The following CCDC60 variants were observed in gnomAD, a reference collection of about 807,000 sequenced individuals.
CCDC60 encodes the protein coiled-coil domain-containing protein 60.
In CCDC60, 54 loss-of-function variants were observed where a neutral mutation model predicts 63.5. The ratio of observed to expected loss-of-function variants is 0.85; its 90% CI spans 0.68 to 1.07. CCDC60 has a LOEUF of 1.07. Among genes scored for constraint, CCDC60 ranks in the 50% least tolerant of loss-of-function variants. The pLI is 0.00. For missense variants in CCDC60, 651 were observed against 684.3 expected, an observed-to-expected ratio of 0.95 and a Z score of 0.54; for synonymous variants, 206 against 238.8, an observed-to-expected ratio of 0.86 and a Z score of 1.27.
intron 1 of CCDC60, among the ~76,000 whole-genome samples, chr12:119,387,285 T>TA (rs1470450926): frequency 6.6e-6 from 1 of 152,138 alleles, no homozygotes; most frequent in Non-Finnish European, 1.5e-5. Context: ...AAACCTGAAA[T>TA]ATTGTGTTTT....
intron 2 of CCDC60, among the ~76,000 whole-genome samples, chr12:119,436,286 G>A (rs924434609): frequency 1.3e-5 from 2 of 152,094 alleles, no homozygotes; most frequent in Admixed American, 6.5e-5. Flanking sequence ...ACAAATCAGA[G>A]TCTCACTCTT....
chr12:119,515,986 T>G (rs1163606733), intron 7 of CCDC60, among the ~76,000 whole-genome samples: 1 of 152,086 alleles, frequency 6.6e-6, no homozygotes, highest in Non-Finnish European at 1.5e-5. Flanking sequence ...CTGGCTGCAG[T>G]AGAGTTTAAG....
chr12:119,456,051 G>GAA lies in CCDC60; in HGVS notation c.171-15941_171-15940dup, dbSNP rs1225191123. On this transcript the variant is annotated intron_variant, in intron 2 of 13. Coordinates refer to ENST00000327554, the MANE Select transcript of CCDC60 (RefSeq NM_178499.5). This position sits in a 1 kb window ranked among gnomAD's most constrained non-coding sequence, Gnocchi z 4.6. The stretch of plus-strand genomic sequence containing the variant: ...AGAAAGAAAGAAAGAAAGAAAGAAA[G>GAA]AAAGAAAGAAAGCAAGCAAGCATGT... Among the ~76,000 whole-genome samples, 15 of 145,090 alleles carry GAA rather than the reference G, an allele frequency of 1.0e-4. 1 individual carries two copies. Among genetic ancestry groups the GAA allele is most frequent in the Non-Finnish European group, 1.9e-4 (13 of 66,754 alleles).
At chr12:119,367,989 A>G (rs1955857635) in intron 1 of CCDC60, among the ~76,000 whole-genome samples, 1 of 151,776 alleles carries the variant, frequency 6.6e-6, no homozygotes, top group African/African-American at 2.4e-5. Flanking sequence ...AAACTTTTGA[A>G]CTGTACACTT....
intron 1 of CCDC60, among the ~76,000 whole-genome samples, chr12:119,405,215 C>A (rs932032547): frequency 5.9e-5 from 9 of 152,206 alleles, no homozygotes; most frequent in African/African-American, 1.9e-4. Context: ...TTCAAACAAG[C>A]CTGAACCCCA....
chr12:119,344,976 C>T (rs1162066372), intron 1 of CCDC60, among the ~76,000 whole-genome samples: 2 of 151,988 alleles, frequency 1.3e-5, no homozygotes, highest in Non-Finnish European at 2.9e-5. Context: ...ACCTCCCCAT[C>T]CAGGTCACAC....
At chr12:119,347,489 A>T (rs1955609381) in intron 1 of CCDC60, among the ~76,000 whole-genome samples, 1 of 152,138 alleles carries the variant, frequency 6.6e-6, no homozygotes, top group Admixed American at 6.5e-5. Context: ...TAGCTCCTTG[A>T]GGAAGGTGAC....
intron 2 of CCDC60, among the ~76,000 whole-genome samples, chr12:119,441,787 T>C (rs1390765700): frequency 6.6e-6 from 1 of 152,222 alleles, no homozygotes; most frequent in Non-Finnish European, 1.5e-5. Context: ...TTATCCACTC[T>C]AGCATTGATG....
intron 4 of CCDC60, among the ~76,000 whole-genome samples, chr12:119,481,302 G>A (rs945906128): frequency 3.3e-5 from 5 of 152,140 alleles, no homozygotes; most frequent in Non-Finnish European, 7.3e-5. Flanking sequence ...TGTCTCTTCA[G>A]TACACTTGCA....
At chr12:119,487,536 A>C (rs1243671890) in intron 4 of CCDC60, among the ~76,000 whole-genome samples, 1 of 151,932 alleles carries the variant, frequency 6.6e-6, no homozygotes, top group Non-Finnish European at 1.5e-5. Flanking sequence ...TGACCTAGTA[A>C]TCCGCCTGCC....
Position 119,456,544 on chromosome 12 carries a change from G to A in CCDC60, c.171-15450G>A. Among the ~76,000 whole-genome samples, 1 of 152,030 alleles carries A rather than the reference G, an allele frequency of 6.6e-6. No homozygotes were observed. The highest frequency in any genetic ancestry group is 1.9e-4 in the East Asian group (1 of 5,194). On this transcript the variant is annotated intron_variant, in intron 2 of 13. Transcript: ENST00000327554. The surrounding 1 kb of genome is among the most constrained non-coding windows in gnomAD (Gnocchi z 4.6). ...GGTCCCAATCCAGACCCCAAGAGAAGGTTCTTGGATCTTGCACAAGAAAGA... is the reference window on the plus strand; with the variant it reads ...GGTCCCAATCCAGACCCCAAGAGAAAGTTCTTGGATCTTGCACAAGAAAGA...
At chr12:119,370,107 A>C (rs1384005961) in intron 1 of CCDC60, among the ~76,000 whole-genome samples, 3 of 152,184 alleles carry the variant, frequency 2.0e-5, no homozygotes, top group African/African-American at 7.2e-5. Context: ...GTGTTCCAAC[A>C]TGCCTGAACC....
At position 119,520,040 on chromosome 12, in the gene CCDC60, T is replaced by C; in HGVS notation, c.969-81T>C. On this transcript the variant is annotated intron_variant, in intron 8 of 13. Transcript: ENST00000327554. ...AAGATTCTTGCTCTAGAAAGAGAATTCCCCCTCCTCCCACATGTAGTTACT... is the reference window on the plus strand; with the variant it reads ...AAGATTCTTGCTCTAGAAAGAGAATCCCCCCTCCTCCCACATGTAGTTACT... 6.0e-6 allele frequency: 7 copies of C among 1,169,362 alleles called. No individual in the cohort carries two copies. In the South Asian group the frequency reaches 9.4e-5, roughly 16 times the overall value. The allele number at this position is 1,169,362 out of a possible 1,614,324, so 72.4% of individuals were successfully genotyped here. A position where few individuals can be genotyped will look rare whatever the true frequency, so the allele number is the denominator to read the frequency against.
intron 4 of CCDC60, among the ~76,000 whole-genome samples, chr12:119,482,413 C>A (rs938951118): frequency 1.1e-4 from 17 of 151,962 alleles, no homozygotes; most frequent in African/African-American, 4.1e-4. Flanking sequence ...CTTTAAAGGG[C>A]CAGACAGTAA....
At chr12:119,408,520 G>C (rs1248185564) in intron 1 of CCDC60, among the ~76,000 whole-genome samples, 1 of 152,106 alleles carries the variant, frequency 6.6e-6, no homozygotes, top group East Asian at 1.9e-4. Context: ...TGTGGTTTCT[G>C]CCATTTAAAA....
chr12:119,408,670 CA>C (rs1248259853), intron 1 of CCDC60, among the ~76,000 whole-genome samples: 1 of 151,884 alleles, frequency 6.6e-6, no homozygotes, highest in Non-Finnish European at 1.5e-5. Flanking sequence ...AAAAAAAATA[CA>C]AAAAATTAGC....
At chr12:119,435,545 G>T (rs1279199691) in intron 2 of CCDC60, among the ~76,000 whole-genome samples, 1 of 152,168 alleles carries the variant, frequency 6.6e-6, no homozygotes, top group Non-Finnish European at 1.5e-5. Flanking sequence ...AATCCCCAGG[G>T]TCTAGCTCAG....
chr12:119,530,925 C>T lies in CCDC60; in HGVS notation c.1413C>T (p.Pro471=), dbSNP rs1404052504. 16 of 1,613,988 alleles carry T rather than the reference C, an allele frequency of 9.9e-6. No homozygotes were observed. Among genetic ancestry groups the T allele is most frequent in the Middle Eastern group, 1.6e-4 (1 of 6,082 alleles). ...KLPEDLKNFR[P]AKKILVKLQK... ...CAGAGGATCTAAAGAACTTCCGCCC[C>T]GCCAAAAAGATCCTGGTGAAACTGC... The change falls in exon 13 of 14, where the codon CCC becomes CCT. Residue 471 remains proline, a synonymous_variant. Coordinates refer to ENST00000327554, the MANE Select transcript of CCDC60 (RefSeq NM_178499.5).
At chr12:119,489,375 A>G (rs976830904) in intron 5 of CCDC60, among the ~76,000 whole-genome samples, 1 of 151,778 alleles carries the variant, frequency 6.6e-6, no homozygotes, top group African/African-American at 2.4e-5. Context: ...CTTAATATAC[A>G]TTGGTGGCTA....
Sources: allele counts gnomAD v4.1 joint callset (sites outside exome capture counted in the v4.1 genomes callset), GRCh38; gene constraint gnomAD v4.1.1; non-coding constraint Gnocchi (gnomAD v3.1); transcripts MANE v1.5; gene names NCBI Gene and HGNC (gene_info 2026-07-23, HGNC 2026-07-21).